The following KALRN variants were observed in gnomAD, a reference collection of about 807,000 sequenced individuals.
The protein encoded by KALRN is kalirin.
In KALRN, 70 loss-of-function variants were observed where a neutral mutation model predicts 353.7. The ratio of observed to expected loss-of-function variants is 0.20; its 90% CI spans 0.16 to 0.24. KALRN has a LOEUF of 0.24. KALRN is among the 10% of genes least tolerant of loss of function. The pLI, the probability that KALRN is intolerant of heterozygous loss-of-function variation, is 1.00. For missense variants in KALRN, 2,791 were observed against 3,756.7 expected (o/e 0.74, Z 6.72); for synonymous variants, 1,391 against 1,434.8 (o/e 0.97, Z 0.69).
In KALRN at chr3:124,045,749, T is replaced by TG. The variant is rs10576725; in HGVS notation, c.73+11949dup. On this transcript the variant is annotated intron_variant, in intron 1 of 59. Coordinates refer to ENST00000682506, the MANE Select transcript of KALRN (RefSeq NM_001388419.1). ...TCCCGAAAGGAGGTTAACAGCCTAA[T>TG]GGGGGGGGGGGGGTTGCCTGATACA... is the stretch of plus-strand genomic sequence containing the variant. 8.8e-3 allele frequency among the ~76,000 whole-genome samples: 1,256 copies of TG among 143,216 alleles called. 10 individuals carry two copies. The highest frequency in any genetic ancestry group is 0.017 in the African/African-American group (597 of 35,880). The allele number at this position is 143,216 out of a possible 152,430, so 94.0% of individuals were successfully genotyped here. A position where few individuals can be genotyped will look rare whatever the true frequency, so the allele number is the denominator to read the frequency against.
intron 45 of KALRN, 43 bp downstream of exon 45, chr3:124,661,971 A>G: frequency 6.6e-7 from 1 of 1,504,370 alleles, no homozygotes; most frequent in Non-Finnish European, 9.3e-7. Flanking sequence ...TCTCCAGGAC[A>G]ATAGGAGTCC....
At chr3:124,207,423 T>C (rs2076509548) in intron 1 of KALRN, among the ~76,000 whole-genome samples, 1 of 152,168 alleles carries the variant, frequency 6.6e-6, no homozygotes, top group Admixed American at 6.5e-5. Flanking sequence ...CTTGTAACTG[T>C]CCCGAAACTC....
At chr3:124,683,520 A>G (rs1317165614) in intron 51 of KALRN, among the ~76,000 whole-genome samples, 1 of 152,206 alleles carries the variant, frequency 6.6e-6, no homozygotes, top group Non-Finnish European at 1.5e-5. Flanking sequence ...TGGGCCTTCA[A>G]GGATAAGGAT....
At chr3:124,666,324 G>C (rs1346505946) in intron 45 of KALRN, 125 bp from the exon 46 acceptor site, 7 of 850,052 alleles carry the variant, frequency 8.2e-6, no homozygotes, top group Non-Finnish European at 1.1e-5. Flanking sequence ...TCTTCCTAGA[G>C]CCCTGAGGCT....
chr3:124,536,197 T>G (rs1298094796), intron 33 of KALRN, among the ~76,000 whole-genome samples: 1 of 36,996 alleles, frequency 2.7e-5, no homozygotes, highest in African/African-American at 1.9e-4. Flanking sequence ...ATCCATACTC[T>G]TTTTTTTTTT....
chr3:124,089,423 C>G (rs1577943126), intron 1 of KALRN, among the ~76,000 whole-genome samples: 1 of 152,110 alleles, frequency 6.6e-6, no homozygotes, highest in East Asian at 1.9e-4. Flanking sequence ...ATGTGAGGAA[C>G]ATTTAAGAGA....
chr3:124,454,358 T>G (rs1408585302), intron 21 of KALRN, among the ~76,000 whole-genome samples: 2 of 152,202 alleles, frequency 1.3e-5, no homozygotes, highest in African/African-American at 2.4e-5. Context: ...AAGCCTCAGA[T>G]TTTTTTCATC....
At chr3:124,498,456 T>C (rs961563105) in intron 33 of KALRN, among the ~76,000 whole-genome samples, 7 of 152,202 alleles carry the variant, frequency 4.6e-5, no homozygotes, top group African/African-American at 1.7e-4. Context: ...GCTCAGGAGA[T>C]ACTTGTGGAA....
At chr3:124,218,838 AC>A (rs981852058) in intron 1 of KALRN, among the ~76,000 whole-genome samples, 7 of 152,216 alleles carry the variant, frequency 4.6e-5, no homozygotes, top group South Asian at 4.1e-4. Flanking sequence ...GAGAGGCGTT[AC>A]CCATATGTTT....
rs530344857 is a variant in KALRN at position 124,091,279 on chromosome 3, TCACTTTGGTTTG to T, written c.73+57469_73+57480del. ...AGATCAGTATGTCTGTGGACGGTCT[TCACTTTGGTTTG>T]CAGATACCAGCAACTATGCTACCTC... is the stretch of plus-strand genomic sequence containing the variant. On this transcript the variant is annotated intron_variant, in intron 1 of 59. Transcript: ENST00000682506. Among the ~76,000 whole-genome samples the T allele has an allele frequency of 9.8e-5, 15 of 152,314 alleles. No individual in the cohort carries two copies. In the East Asian group the frequency reaches 2.9e-3, roughly 29 times the overall value.
intron 5 of KALRN, among the ~76,000 whole-genome samples, chr3:124,277,994 CTA>C (rs1255548642): frequency 2.6e-5 from 2 of 75,540 alleles, no homozygotes; most frequent in Non-Finnish European, 5.9e-5. Flanking sequence ...CAGAGATGAA[CTA>C]TGTGTGTGTG....
chr3:124,184,246 G>C (rs2073949564), intron 1 of KALRN, among the ~76,000 whole-genome samples: 1 of 152,192 alleles, frequency 6.6e-6, no homozygotes, highest in Non-Finnish European at 1.5e-5. Context: ...GTGCCCTTAT[G>C]TCTTCATCTG....
intron 37 of KALRN, among the ~76,000 whole-genome samples, chr3:124,650,553 A>G (rs1220386728): frequency 6.6e-6 from 1 of 152,190 alleles, no homozygotes; most frequent in East Asian, 1.9e-4. Flanking sequence ...AGTCACTTTG[A>G]CAATTTCATT....
intron 15 of KALRN, among the ~76,000 whole-genome samples, chr3:124,430,431 A>G (rs1446988932): frequency 2.6e-5 from 4 of 152,224 alleles, no homozygotes; most frequent in African/African-American, 9.6e-5. Context: ...GAGGGGTGAC[A>G]TGGAGCTGGG....
chr3:124,535,999 A>G (rs896441424), intron 33 of KALRN, among the ~76,000 whole-genome samples: 2 of 152,130 alleles, frequency 1.3e-5, no homozygotes, highest in African/African-American at 4.8e-5. Flanking sequence ...AGACCATTGC[A>G]ACAAACACTA....
At chr3:124,717,127 G>T (rs2063167629) in intron 58 of KALRN, 120 bp from the exon 59 acceptor site, 1 of 865,970 alleles carries the variant, frequency 1.2e-6, no homozygotes, top group South Asian at 2.3e-5. Context: ...TGCACATTTG[G>T]TCTTCATGTA....
chr3:124,407,853 C>T (rs953251357), intron 13 of KALRN: 9 of 152,172 alleles, frequency 5.9e-5, no homozygotes, highest in Non-Finnish European at 8.8e-5. Context: ...GGCACGATCT[C>T]GGCTCACCAC....
intron 33 of KALRN, among the ~76,000 whole-genome samples, chr3:124,525,608 C>T (rs1305932483): frequency 6.6e-6 from 1 of 152,138 alleles, no homozygotes. Flanking sequence ...CGAGGACTTG[C>T]CTGGGATCTT....
chr3:124,485,589 A>G (rs1424503292), intron 28 of KALRN, among the ~76,000 whole-genome samples: 1 of 152,190 alleles, frequency 6.6e-6, no homozygotes, highest in Non-Finnish European at 1.5e-5. Context: ...TTATTTTTTT[A>G]AGAAAATAGG....
Sources: gnomAD v4.1 joint callset for allele counts (sites outside exome capture counted in the v4.1 genomes callset) on GRCh38, gnomAD v4.1.1 for gene constraint, MANE v1.5 for transcripts, NCBI Gene and HGNC (gene_info 2026-07-23, HGNC 2026-07-21) for gene names.